The following SLC8A1 variants were observed in gnomAD, a reference collection of about 807,000 sequenced individuals.
The protein encoded by SLC8A1 is solute carrier family 8 member A1, also known as sodium/calcium exchanger 1.
In SLC8A1, 18 loss-of-function variants were observed where a neutral mutation model predicts 68.3. That is an observed-to-expected ratio of 0.26 (90% CI 0.18 to 0.39). The LOEUF (loss-of-function observed/expected upper bound fraction) is 0.39, where lower values mean the gene tolerates loss of function less well. Ranked by LOEUF, SLC8A1 falls within the 10% of genes least tolerant of loss-of-function variation. The probability of loss-of-function intolerance (pLI) is 1.00; values close to 1 mark genes in which losing one functional copy is unlikely to be tolerated. For synonymous variants in SLC8A1, 475 were observed against 415.5 expected (o/e 1.14, Z -1.74); for missense variants, 985 against 1,156.7 (o/e 0.85, Z 2.15).
At chr2:40,269,499 A>G (rs1177271051) in intron 2 of SLC8A1, among the ~76,000 whole-genome samples, 3 of 152,206 alleles carry the variant, frequency 2.0e-5, no homozygotes, top group Non-Finnish European at 4.4e-5. Context: ...AGACAATAAA[A>G]CTGATCAGAA....
At chr2:40,182,164 T>C (rs1304147745) in intron 2 of SLC8A1, among the ~76,000 whole-genome samples, 1 of 152,224 alleles carries the variant, frequency 6.6e-6, no homozygotes. Context: ...CTACTTCTTT[T>C]CTTTAAATAG....
At chr2:40,284,396 TAC>T (rs950334137) in intron 2 of SLC8A1, among the ~76,000 whole-genome samples, 2 of 147,234 alleles carry the variant, frequency 1.4e-5, no homozygotes, top group African/African-American at 4.9e-5. Flanking sequence ...GATATATACA[TAC>T]ACATATATTT....
intron 2 of SLC8A1, among the ~76,000 whole-genome samples, chr2:40,354,599 G>T (rs1053283173): frequency 2.0e-5 from 3 of 152,188 alleles, no homozygotes; most frequent in Admixed American, 2.0e-4. Flanking sequence ...GAGCACAGTA[G>T]TAAGGAGGGG....
rs1484129752 is a variant in SLC8A1 at position 40,494,491 on chromosome 2, T to C, written c.-25+17858A>G. On this transcript the variant is annotated intron_variant, in intron 1 of 7. Coordinates refer to the SLC8A1 transcript ENST00000402441. The stretch of plus-strand genomic sequence containing the variant: ...GTGTGCATGTGTCTTTATAGCAGGA[T>C]GATTTATATTCCTTTGGGTATATAC... 3.3e-5 allele frequency among the ~76,000 whole-genome samples: 5 copies of C among 151,708 alleles called. No individual in the cohort carries two copies. In the East Asian group the frequency reaches 9.7e-4, roughly 29 times the overall value.
At chr2:40,311,934 G>A (rs1026786728) in intron 2 of SLC8A1, among the ~76,000 whole-genome samples, 1 of 152,014 alleles carries the variant, frequency 6.6e-6, no homozygotes, top group Non-Finnish European at 1.5e-5. Context: ...AGTACAAAGA[G>A]GCACTTGTGA....
chr2:40,219,582 T>C (rs367681421), intron 2 of SLC8A1, among the ~76,000 whole-genome samples: 1 of 152,244 alleles, frequency 6.6e-6, no homozygotes, highest in African/African-American at 2.4e-5. Flanking sequence ...CTATCTGGTA[T>C]ATAAGAAAAC....
chr2:40,363,466 T>C (rs1675173307), intron 2 of SLC8A1, among the ~76,000 whole-genome samples: 1 of 152,090 alleles, frequency 6.6e-6, no homozygotes, highest in Non-Finnish European at 1.5e-5. Flanking sequence ...TGTGGAGCAC[T>C]TGTGAAGATT....
intron 2 of SLC8A1, among the ~76,000 whole-genome samples, chr2:40,271,535 C>G (rs984379426): frequency 4.6e-5 from 7 of 152,166 alleles, no homozygotes; most frequent in Non-Finnish European, 8.8e-5. Flanking sequence ...CTTACCACGA[C>G]CTGACATTAC....
intron 2 of SLC8A1, among the ~76,000 whole-genome samples, chr2:40,319,036 G>A (rs1356850412): frequency 1.3e-5 from 2 of 152,034 alleles, no homozygotes; most frequent in Non-Finnish European, 2.9e-5. Flanking sequence ...ACAGGATTTG[G>A]AAAGTGAGAC....
intron 2 of SLC8A1, among the ~76,000 whole-genome samples, chr2:40,414,671 C>T (rs1199017944): frequency 6.6e-6 from 1 of 151,866 alleles, no homozygotes; most frequent in Non-Finnish European, 1.5e-5. Context: ...TTATTCATTG[C>T]TTAGGTACTT....
chr2:40,194,096 G>A (rs1490390767), intron 2 of SLC8A1, among the ~76,000 whole-genome samples: 1 of 152,066 alleles, frequency 6.6e-6, no homozygotes, highest in East Asian at 1.9e-4. Flanking sequence ...AAAACATCAT[G>A]AGATTGTAAA....
intron 2 of SLC8A1, among the ~76,000 whole-genome samples, chr2:40,340,343 T>G (rs1402572315): frequency 1.3e-5 from 2 of 152,062 alleles, no homozygotes; most frequent in African/African-American, 2.4e-5. Context: ...GGTGGATCAC[T>G]TGAGGTCAGG....
exon 2 of SLC8A1, chr2:40,429,711 C>A (rs1259759107): frequency 6.2e-7 from 1 of 1,613,858 alleles, no homozygotes; most frequent in African/African-American, 1.3e-5. Flanking sequence ...CTCCGTCAGG[C>A]ACCACATAAA....
chr2:40,283,970 G>A (rs2067884289), intron 2 of SLC8A1, among the ~76,000 whole-genome samples: 1 of 152,090 alleles, frequency 6.6e-6, no homozygotes, highest in South Asian at 2.1e-4. Context: ...AGAAAAACTA[G>A]GCTTGTAATT....
At chr2:40,192,874 G>T (rs545734516) in intron 2 of SLC8A1, among the ~76,000 whole-genome samples, 2 of 152,130 alleles carry the variant, frequency 1.3e-5, no homozygotes, top group Non-Finnish European at 2.9e-5. Context: ...TGGAACAGAA[G>T]AGAATCCATG....
intron 2 of SLC8A1, among the ~76,000 whole-genome samples, chr2:40,391,462 C>A (rs1319723807): frequency 6.6e-6 from 1 of 150,546 alleles, no homozygotes; most frequent in African/African-American, 2.5e-5. Flanking sequence ...TGGTGGCAAA[C>A]TAGGAGATTA....
chr2:40,116,453 T>A (rs555773221), intron 7 of SLC8A1, among the ~76,000 whole-genome samples: 2 of 152,250 alleles, frequency 1.3e-5, no homozygotes, highest in East Asian at 3.9e-4. Flanking sequence ...CCCAGTGCTA[T>A]CCCTCCCCCA....
At chr2:40,133,248 T>C (rs567162852) in intron 7 of SLC8A1, among the ~76,000 whole-genome samples, 2 of 152,286 alleles carry the variant, frequency 1.3e-5, no homozygotes, top group East Asian at 3.9e-4. Context: ...TAAGAGAACA[T>C]GGTGAACAAC....
chr2:40,396,257 C>T, intron 2 of SLC8A1, among the ~76,000 whole-genome samples: 1 of 152,006 alleles, frequency 6.6e-6, no homozygotes, highest in East Asian at 1.9e-4. Flanking sequence ...CCTTTAAATC[C>T]TCAATCCATG....
Sources: allele counts gnomAD v4.1 joint callset (sites outside exome capture counted in the v4.1 genomes callset), GRCh38; gene constraint gnomAD v4.1.1; transcripts MANE v1.5; gene names NCBI Gene and HGNC (gene_info 2026-07-23, HGNC 2026-07-21).